TMEM161B: variants seen among roughly 807,000 people sequenced by gnomAD.
The protein encoded by TMEM161B is transmembrane protein 161B.
In TMEM161B, 34 loss-of-function variants were observed where a neutral mutation model predicts 61.8. That is an observed-to-expected ratio of 0.55 (90% CI 0.42 to 0.73). The LOEUF is 0.73. TMEM161B is among the 30% of genes least tolerant of loss of function. The pLI is 0.00. For synonymous variants in TMEM161B, 167 were observed against 192.8 expected (o/e 0.87, Z 1.11); for missense variants, 456 against 558.5 (o/e 0.82, Z 1.85).
intron 1 of TMEM161B, among the ~76,000 whole-genome samples, chr5:88,260,681 G>A (rs1303117802): frequency 2.6e-5 from 4 of 152,104 alleles, no homozygotes; most frequent in African/African-American, 9.7e-5. Context: ...TCAAACTCCT[G>A]GCCTCAAGTG....
intron 1 of TMEM161B, among the ~76,000 whole-genome samples, chr5:88,256,491 A>C (rs1754999583): frequency 6.6e-6 from 1 of 152,260 alleles, no homozygotes; most frequent in Non-Finnish European, 1.5e-5. Context: ...TAATGAAAAG[A>C]CATGTTTGAC....
chr5:88,190,183 C>T (rs1011433739), downstream of TMEM161B: 1 of 700,910 alleles, frequency 1.4e-6, no homozygotes, highest in African/African-American at 1.7e-5. Context: ...TCTGTGAAGT[C>T]TAGCTGGAGA....
intron 5 of TMEM161B, among the ~76,000 whole-genome samples, chr5:88,216,140 G>T (rs763409697): frequency 2.6e-4 from 40 of 152,126 alleles, no homozygotes; most frequent in Admixed American, 2.2e-3. Context: ...TAGCTGCTCT[G>T]GAGGCTGAGG....
At chr5:88,200,209 C>A (rs1462399956) in intron 9 of TMEM161B, 1 of 151,860 alleles carries the variant, frequency 6.6e-6, no homozygotes, top group Non-Finnish European at 1.5e-5. Flanking sequence ...AAAGGCTTTA[C>A]TATATATACT....
intron 11 of TMEM161B, among the ~76,000 whole-genome samples, chr5:88,196,795 T>C (rs1749726878): frequency 1.3e-5 from 2 of 152,106 alleles, no homozygotes; most frequent in South Asian, 4.1e-4. Context: ...ATTAATCAGC[T>C]AACTCTACTG....
At chr5:88,188,245 C>T (rs151127183), downstream of TMEM161B, among the ~76,000 whole-genome samples, 2 of 151,438 alleles carry the variant, frequency 1.3e-5, no homozygotes, top group African/African-American at 4.9e-5. Flanking sequence ...TCTGGGATTA[C>T]AGGTGTGTAC....
chr5:88,216,318 A>C (rs1385009624), intron 5 of TMEM161B, among the ~76,000 whole-genome samples: 1 of 152,244 alleles, frequency 6.6e-6, no homozygotes, highest in Admixed American at 6.5e-5. Flanking sequence ...AAGTAACATG[A>C]CATATAATCA....
At chr5:88,202,937 T>G in intron 9 of TMEM161B, 25 bp downstream of exon 9, 3 of 1,446,698 alleles carry the variant, frequency 2.1e-6, no homozygotes, top group Non-Finnish European at 2.9e-6. Context: ...GTGATAAAAA[T>G]CAGCCCTCAA....
intron 3 of TMEM161B, among the ~76,000 whole-genome samples, chr5:88,227,085 A>G (rs555758803): frequency 9.3e-4 from 141 of 152,204 alleles, no homozygotes; most frequent in African/African-American, 3.3e-3. Flanking sequence ...GCTACTCGTG[A>G]GGCTGAGGTG....
At chr5:88,245,871 T>C (rs1178469677) in intron 1 of TMEM161B, among the ~76,000 whole-genome samples, 1 of 151,942 alleles carries the variant, frequency 6.6e-6, no homozygotes, top group African/African-American at 2.4e-5. Context: ...AATTAGGAAA[T>C]ACCAACTAGC....
rs1749428134 is a variant in TMEM161B at position 88,195,250 on chromosome 5, A to G, written c.*961T>C. ...TTAATCTCATTCCAAAAAGAAATAA[A>G]ATTTCTAGATACAAATACATCTCAT... On this transcript the variant is annotated 3_prime_UTR_variant, in exon 12 of 12. Coordinates refer to ENST00000296595, the MANE Select transcript of TMEM161B (RefSeq NM_153354.5). The G allele has an allele frequency of 1.0e-6, 1 of 959,126 alleles. No individual in the cohort carries two copies. The highest frequency in any genetic ancestry group is 1.8e-5 in the African/African-American group (1 of 56,624). The allele number at this position is 959,126 out of a possible 1,614,324, so 59.4% of individuals were successfully genotyped here. A position where few individuals can be genotyped will look rare whatever the true frequency, so the allele number is the denominator to read the frequency against.
downstream of TMEM161B, among the ~76,000 whole-genome samples, chr5:88,188,150 G>A (rs1193425976): frequency 1.3e-5 from 2 of 151,960 alleles, no homozygotes; most frequent in African/African-American, 4.8e-5. Context: ...TGTTGCCCAG[G>A]CTGGAGTAGA....
intron 5 of TMEM161B, among the ~76,000 whole-genome samples, chr5:88,212,639 G>A (rs944413479): frequency 6.6e-6 from 1 of 152,082 alleles, no homozygotes; most frequent in African/African-American, 2.4e-5. Flanking sequence ...ACCAGCCTGG[G>A]CAACATGGTG....
chr5:88,228,626 ACT>A (rs1750461563), intron 2 of TMEM161B, 98 bp from the exon 3 acceptor site: 3 of 870,196 alleles, frequency 3.4e-6, no homozygotes, highest in Middle Eastern at 3.2e-4. Context: ...TTGTGAAGAC[ACT>A]GTCGAGAAAT....
intron 11 of TMEM161B, 30 bp downstream of exon 11, chr5:88,197,639 G>A: frequency 6.4e-7 from 1 of 1,553,056 alleles, no homozygotes; most frequent in Non-Finnish European, 8.8e-7. Flanking sequence ...GAAAGTAAAA[G>A]ATGCTTCCTA....
At chr5:88,256,060 C>G (rs553921435) in intron 1 of TMEM161B, among the ~76,000 whole-genome samples, 278 of 151,862 alleles carry the variant, frequency 1.8e-3, no homozygotes, top group Non-Finnish European at 3.4e-3. Flanking sequence ...AATGGAAGAC[C>G]AACAACAAAG....
chr5:88,213,694 T>C (rs1464690753), intron 5 of TMEM161B, among the ~76,000 whole-genome samples: 4 of 152,182 alleles, frequency 2.6e-5, no homozygotes, highest in Admixed American at 2.6e-4. Context: ...AGAAATAATG[T>C]CCTATTACCC....
chr5:88,225,001 T>C, intron 4 of TMEM161B, among the ~76,000 whole-genome samples: 1 of 136,544 alleles, frequency 7.3e-6, no homozygotes, highest in Non-Finnish European at 1.5e-5. Context: ...GGAGTCTCGC[T>C]CTGTCGCCCA....
intron 1 of TMEM161B, among the ~76,000 whole-genome samples, chr5:88,249,893 C>T (rs1206919729): frequency 6.6e-6 from 1 of 152,128 alleles, no homozygotes; most frequent in Non-Finnish European, 1.5e-5. Flanking sequence ...TCCAAGGACA[C>T]AGAAGAAGAC....
Sources: gnomAD v4.1 joint callset for allele counts (sites outside exome capture counted in the v4.1 genomes callset) on GRCh38, gnomAD v4.1.1 for gene constraint, MANE v1.5 for transcripts, NCBI Gene and HGNC (gene_info 2026-07-23, HGNC 2026-07-21) for gene names.